Variants in ZNF827 observed in about 807,000 individuals in gnomAD.
The protein encoded by ZNF827 is zinc finger protein 827.
In ZNF827, 13 loss-of-function variants were observed where a neutral mutation model predicts 102.4. That is an observed-to-expected ratio of 0.13 (90% confidence interval 0.08 to 0.20). The LOEUF (loss-of-function observed/expected upper bound fraction) is 0.20, where lower values mean the gene tolerates loss of function less well. ZNF827 is among the 10% of genes least tolerant of loss of function. ZNF827 has a pLI of 1.00. For missense variants in ZNF827, 1,103 were observed against 1,344.4 expected, an observed-to-expected ratio of 0.82 and a Z score of 2.81; for synonymous variants, 523 against 536.2, an observed-to-expected ratio of 0.98 and a Z score of 0.34.
chr4:145,912,642 G>A (rs753331490), intron 1 of ZNF827, among the ~76,000 whole-genome samples: 29 of 152,178 alleles, frequency 1.9e-4, no homozygotes, highest in Non-Finnish European at 3.4e-4. Flanking sequence ...CTTATAAAAG[G>A]GGGAAATTTG....
chr4:145,885,273 G>C (rs1041848302), intron 4 of ZNF827, among the ~76,000 whole-genome samples: 1 of 152,012 alleles, frequency 6.6e-6, no homozygotes, highest in Non-Finnish European at 1.5e-5. Flanking sequence ...TAAAGAACTT[G>C]AATAATGCCA....
At chr4:145,825,538 C>T (rs1438301573) in intron 7 of ZNF827, among the ~76,000 whole-genome samples, 4 of 152,170 alleles carry the variant, frequency 2.6e-5, no homozygotes, top group Non-Finnish European at 5.9e-5. Flanking sequence ...CCAGCAGCGA[C>T]ACTTGCAGGT....
At chr4:145,922,026 T>C (rs1753106573) in intron 1 of ZNF827, among the ~76,000 whole-genome samples, 1 of 152,344 alleles carries the variant, frequency 6.6e-6, no homozygotes, top group Non-Finnish European at 1.5e-5. Context: ...ATAATGCACA[T>C]TGTAAGATAA....
At chr4:145,845,830 G>T in intron 7 of ZNF827, 126 bp downstream of exon 7, 1 of 860,132 alleles carries the variant, frequency 1.2e-6, no homozygotes, top group Non-Finnish European at 1.9e-6. Context: ...GTAGAACATG[G>T]TGGTAAAGGG....
At chr4:145,814,146 C>T (rs1418882673) in intron 8 of ZNF827, among the ~76,000 whole-genome samples, 2 of 152,178 alleles carry the variant, frequency 1.3e-5, no homozygotes, top group Non-Finnish European at 2.9e-5. Context: ...TTGGGATGCT[C>T]ATCCAGTAAG....
At chr4:145,911,149 G>C (rs1407529140) in intron 1 of ZNF827, among the ~76,000 whole-genome samples, 1 of 152,220 alleles carries the variant, frequency 6.6e-6, no homozygotes, top group African/African-American at 2.4e-5. Context: ...GAAAAAGCCT[G>C]TTTTGCAAAC....
chr4:145,881,934 A>C (rs1302027269), intron 4 of ZNF827, among the ~76,000 whole-genome samples: 2 of 152,214 alleles, frequency 1.3e-5, no homozygotes, highest in Non-Finnish European at 2.9e-5. Flanking sequence ...CTGCACACTA[A>C]AATCATTCTG....
At chr4:145,779,844 T>C (rs1737700292) in intron 8 of ZNF827, among the ~76,000 whole-genome samples, 1 of 152,262 alleles carries the variant, frequency 6.6e-6, no homozygotes, top group South Asian at 2.1e-4. Context: ...ATGAGTTGCC[T>C]GAGTTGCATG....
Position 145,902,823 on chromosome 4 carries a change from A to C in ZNF827, c.436T>G (p.Ser146Ala), listed in dbSNP as rs775642929. The C allele has an allele frequency of 1.2e-6, 2 of 1,613,814 alleles. No individual in the cohort carries two copies. Among genetic ancestry groups the C allele is most frequent in the East Asian group, 2.2e-5 (1 of 44,868 alleles). ...AGGTTCGAGCCAACGTTTACGGGGG[A>C]CTCCACTCTGCCATTAGCCGTGGCT... ...AAATANGRVE[S>A]PVNVGSNLSF... The change falls in exon 2 of 15, where the codon TCC becomes GCC. Residue 146 changes from serine to alanine, a missense_variant. Coordinates refer to ENST00000508784, the MANE Select transcript of ZNF827 (RefSeq NM_001306215.2). This position sits in a 1 kb window ranked among gnomAD's most constrained non-coding sequence, Gnocchi z 4.3.
chr4:145,810,764 G>A (rs1444392429), intron 8 of ZNF827, among the ~76,000 whole-genome samples: 1 of 152,034 alleles, frequency 6.6e-6, no homozygotes, highest in Non-Finnish European at 1.5e-5. Flanking sequence ...TTTAATGGCT[G>A]TGGAGTTTCC....
At chr4:145,846,695 T>C (rs1158624722) in intron 6 of ZNF827, among the ~76,000 whole-genome samples, 2 of 135,594 alleles carry the variant, frequency 1.5e-5, no homozygotes, top group Non-Finnish European at 3.0e-5. Context: ...CGCGTGCCTG[T>C]AGTCCCAGCT....
chr4:145,851,283 T>C (rs1490061968), intron 5 of ZNF827, among the ~76,000 whole-genome samples: 1 of 90,032 alleles, frequency 1.1e-5, no homozygotes, highest in East Asian at 2.3e-4. Context: ...GATAGATAGA[T>C]AGATAGATAG....
chr4:145,885,246 C>A (rs947157254), intron 4 of ZNF827, among the ~76,000 whole-genome samples: 1 of 151,826 alleles, frequency 6.6e-6, no homozygotes, highest in African/African-American at 2.4e-5. Context: ...CTTTAAAAAT[C>A]TTATAAATTA....
Position 145,758,064 on chromosome 4 carries a change from T to G in ZNF827, c.*3552A>C, listed in dbSNP as rs1295062787. 2 of 152,200 alleles carry G rather than the reference T, an allele frequency of 1.3e-5. No individual in the cohort carries two copies. 9.4% of individuals were successfully genotyped at this position (152,200 alleles called of 1,614,324 possible). ...AAACCAAATTCAGGGGTACATATTTTCTAGGGTGGAGTCTGAAAAATGCTG... is the reference window on the plus strand; with the variant it reads ...AAACCAAATTCAGGGGTACATATTTGCTAGGGTGGAGTCTGAAAAATGCTG... On this transcript the variant is annotated 3_prime_UTR_variant, in exon 15 of 15. Transcript: ENST00000508784.
rs1199592807 is a variant in ZNF827 at position 145,759,367 on chromosome 4, A to G, written c.*2249T>C. 1 of 152,248 alleles carries G rather than the reference A, an allele frequency of 6.6e-6. No individual in the cohort carries two copies. 9.4% of individuals were successfully genotyped at this position (152,248 alleles called of 1,614,324 possible). A position where few individuals can be genotyped will look rare whatever the true frequency, so the allele number is the denominator to read the frequency against. On this transcript the variant is annotated 3_prime_UTR_variant, in exon 15 of 15. Coordinates refer to ENST00000508784, the MANE Select transcript of ZNF827 (RefSeq NM_001306215.2). Reference sequence around the variant, plus strand: ...ACCCACACCTGCTTCCTGCTGCAATAAAGTGCTGCACATAAATTGCCATTT... The same window carrying G: ...ACCCACACCTGCTTCCTGCTGCAATGAAGTGCTGCACATAAATTGCCATTT...
intron 4 of ZNF827, among the ~76,000 whole-genome samples, chr4:145,885,454 G>A (rs1360424922): frequency 6.6e-6 from 1 of 152,062 alleles, no homozygotes; most frequent in Non-Finnish European, 1.5e-5. Context: ...ACTGTTTTGA[G>A]ACCCAAGCCA....
chr4:145,827,577 G>A (rs141549379), intron 7 of ZNF827, among the ~76,000 whole-genome samples: 115 of 152,238 alleles, frequency 7.6e-4, no homozygotes, highest in African/African-American at 2.7e-3. Context: ...AGAAGGAAGG[G>A]TAAAGAGGTC....
intron 1 of ZNF827, among the ~76,000 whole-genome samples, chr4:145,909,420 C>T (rs533080045): frequency 1.1e-3 from 175 of 152,368 alleles, no homozygotes; most frequent in African/African-American, 3.8e-3. Flanking sequence ...CTCTCTCATT[C>T]GCCTCTAGTC....
intron 6 of ZNF827, among the ~76,000 whole-genome samples, chr4:145,847,944 T>C (rs1183870314): frequency 6.6e-6 from 1 of 152,212 alleles, no homozygotes; most frequent in East Asian, 1.9e-4. Flanking sequence ...TCACAGCCAG[T>C]ACTCTTTCAG....
Sources: allele counts gnomAD v4.1 joint callset (sites outside exome capture counted in the v4.1 genomes callset), GRCh38; gene constraint gnomAD v4.1.1; non-coding constraint Gnocchi (gnomAD v3.1); transcripts MANE v1.5; gene names NCBI Gene and HGNC (gene_info 2026-07-23, HGNC 2026-07-21).